ITSN2: variants seen among roughly 807,000 people sequenced by gnomAD.
ITSN2 encodes the protein intersectin-2.
In ITSN2, 156 loss-of-function variants were observed where a neutral mutation model predicts 243.7. That is an observed-to-expected ratio of 0.64 (90% CI 0.56 to 0.73). The LOEUF (loss-of-function observed/expected upper bound fraction) is 0.73. Ranked by LOEUF, ITSN2 falls within the 30% of genes least tolerant of loss-of-function variation. The pLI is 0.00. For synonymous variants in ITSN2, 703 were observed against 699.9 expected (o/e 1.00, Z -0.07); for missense variants, 1,801 against 1,996.1 (o/e 0.90, Z 1.86).
intron 30 of ITSN2, chr2:24,220,315 G>C: frequency 1.0e-6 from 1 of 985,136 alleles, no homozygotes; most frequent in Non-Finnish European, 1.2e-6. Context: ...TGGAAACAAA[G>C]GTATAGTAGA....
chr2:24,216,154 C>T lies in ITSN2; in HGVS notation c.3885G>A (p.Leu1295=), dbSNP rs780043520. 6.8e-6 allele frequency: 11 copies of T among 1,613,080 alleles called. No individual in the cohort carries two copies. In the South Asian group the frequency reaches 1.1e-4, roughly 16 times the overall value. The change falls in exon 32 of 40, where the codon CTG becomes CTA. Residue 1295 remains leucine, a synonymous_variant. Coordinates refer to ENST00000355123, the MANE Select transcript of ITSN2 (RefSeq NM_006277.3). The part of the protein sequence containing the change: ...QMIGDILAAE[L]SHMQAYIRFC... Reference sequence around the variant, plus strand: ...ACCTGATGTAAGCCTGCATGTGGGACAGCTCAGCGGCCAGGATGTCCCCAA... The same window carrying T: ...ACCTGATGTAAGCCTGCATGTGGGATAGCTCAGCGGCCAGGATGTCCCCAA...
chr2:24,355,931 A>C (rs9751134), intron 1 of ITSN2, among the ~76,000 whole-genome samples: 1 of 152,026 alleles, frequency 6.6e-6, no homozygotes, highest in East Asian at 1.9e-4. Flanking sequence ...GGCCAGGCAT[A>C]GTGGCTCACA....
intron 20 of ITSN2, 74 bp from the exon 21 acceptor site, chr2:24,261,816 T>C: frequency 1.8e-6 from 2 of 1,089,600 alleles, no homozygotes. Context: ...TGAAAACTAT[T>C]GTATAGTATT....
At chr2:24,302,428 G>C (rs1190310638) in intron 9 of ITSN2, among the ~76,000 whole-genome samples, 1 of 152,060 alleles carries the variant, frequency 6.6e-6, no homozygotes, top group Non-Finnish European at 1.5e-5. Context: ...TCGATCTCCT[G>C]ACCTCGTGAT....
intron 29 of ITSN2, chr2:24,240,555 T>G (rs1418556745): frequency 6.6e-6 from 1 of 152,234 alleles, no homozygotes; most frequent in Non-Finnish European, 1.5e-5. Context: ...TAACTGTTGA[T>G]TCTTTCCCAA....
At position 24,204,897 on chromosome 2, in the gene ITSN2, A is replaced by G. The variant is rs1668706187; in HGVS notation, c.4762+317T>C. 5.3e-6 allele frequency: 2 copies of G among 380,316 alleles called. No individual in the cohort carries two copies. Among genetic ancestry groups the G allele is most frequent in the African/African-American group, 4.2e-5 (2 of 47,820 alleles). 23.6% of individuals were successfully genotyped at this position (380,316 alleles called of 1,614,324 possible). On this transcript the variant is annotated intron_variant, in intron 38 of 39. Transcript: ENST00000355123. The surrounding 1 kb of genome is among the most constrained non-coding windows in gnomAD (Gnocchi z 5.1). ...GTCAGTGACAAAGTGCTGTAATCCCAGCACTTTGGGAGGCCGAGGCGGGCA... is the reference window on the plus strand; with the variant it reads ...GTCAGTGACAAAGTGCTGTAATCCCGGCACTTTGGGAGGCCGAGGCGGGCA...
intron 22 of ITSN2, among the ~76,000 whole-genome samples, chr2:24,259,215 G>A (rs1001285940): frequency 1.3e-5 from 2 of 152,134 alleles, no homozygotes; most frequent in African/African-American, 2.4e-5. Context: ...GGTTGCTCAC[G>A]CTAAAGACTG....
At chr2:24,254,456 C>T in intron 23 of ITSN2, 25 bp from the exon 24 acceptor site, 3 of 1,552,498 alleles carry the variant, frequency 1.9e-6, no homozygotes, top group Non-Finnish European at 2.7e-6. Context: ...AACAAACAAA[C>T]AAACAAACAA....
intron 16 of ITSN2, 50 bp from the exon 17 acceptor site, chr2:24,284,893 T>C (rs1679273213): frequency 2.3e-6 from 1 of 435,720 alleles, no homozygotes; most frequent in Non-Finnish European, 3.8e-6. Context: ...ACAGAATTTT[T>C]TTTTTTTTTT....
At chr2:24,316,581 A>G (rs1683965087) in intron 2 of ITSN2, among the ~76,000 whole-genome samples, 1 of 152,204 alleles carries the variant, frequency 6.6e-6, no homozygotes, top group Non-Finnish European at 1.5e-5. Flanking sequence ...ACGCCCAGAC[A>G]GTTTTTAAAT....
At position 24,319,689 on chromosome 2, in the gene ITSN2, T is replaced by C. The variant is rs148119388; in HGVS notation, c.32-4465A>G. On this transcript the variant is annotated intron_variant, in intron 2 of 39. Transcript: ENST00000355123. ...TGGAAACCCTCAGACTTGCCAGTCA[T>C]CCAGGAGGCTATGTTAGAGGCACTA... is the stretch of plus-strand genomic sequence containing the variant. 1.7e-3 allele frequency among the ~76,000 whole-genome samples: 259 copies of C among 152,358 alleles called. 1 individual carries two copies. Among genetic ancestry groups the C allele is most frequent in the African/African-American group, 6.0e-3 (251 of 41,592 alleles).
chr2:24,312,088 T>A (rs929017021), intron 5 of ITSN2, 124 bp downstream of exon 5: 1 of 746,954 alleles, frequency 1.3e-6, no homozygotes, highest in Non-Finnish European at 2.1e-6. Flanking sequence ...ATCTCTAACA[T>A]GAAAATTAAC....
chr2:24,275,509 A>G (rs1677901054), intron 18 of ITSN2, among the ~76,000 whole-genome samples: 1 of 152,202 alleles, frequency 6.6e-6, no homozygotes, highest in Admixed American at 6.5e-5. Flanking sequence ...TACAGGTTTG[A>G]CTCCAAAGTC....
chr2:24,265,594 C>T (rs372708567), intron 20 of ITSN2, among the ~76,000 whole-genome samples: 2 of 152,144 alleles, frequency 1.3e-5, no homozygotes, highest in African/African-American at 4.8e-5. Flanking sequence ...TATGGTAAGC[C>T]ACTTTAGACC....
intron 37 of ITSN2, among the ~76,000 whole-genome samples, chr2:24,207,059 T>C (rs11125493): frequency 0.85 from 129,014 of 151,738 alleles, 55,592 homozygotes; most frequent in Non-Finnish European, 0.93. Context: ...GGGTGGCAGG[T>C]AGTAGTGGGG....
Position 24,204,057 on chromosome 2 carries a change from A to C in ITSN2, c.4936+188T>G. The C allele has an allele frequency of 1.5e-6, 1 of 647,094 alleles. No individual in the cohort carries two copies. The highest frequency in any genetic ancestry group is 2.7e-6 in the Non-Finnish European group (1 of 376,844). The allele number at this position is 647,094 out of a possible 1,614,324, so 40.1% of individuals were successfully genotyped here. On this transcript the variant is annotated intron_variant, in intron 39 of 39. Transcript: ENST00000355123. The surrounding 1 kb of genome is among the most constrained non-coding windows in gnomAD (Gnocchi z 5.1). The stretch of plus-strand genomic sequence containing the variant: ...TAGGGAGTGATGGGTCAAAGACCTG[A>C]AACACATCTCAGGCCACCTCCTCCC...
At position 24,212,745 on chromosome 2, in the gene ITSN2, G is replaced by A; in HGVS notation, c.3994C>T (p.Leu1332=). The A allele has an allele frequency of 6.2e-7, 1 of 1,613,942 alleles. No individual in the cohort carries two copies. The highest frequency in any genetic ancestry group is 1.6e-4 in the Middle Eastern group (1 of 6,062). ...CCTTTACACCGCGGGTCAGATGCCA[G>A]CTTCTGCAAAACAACAGTGAGGCTC... is the stretch of plus-strand genomic sequence containing the variant. ...DTDFKEFLKK[L]ASDPRCKGMP... The change falls in exon 33 of 40, where the codon CTG becomes TTG. Residue 1332 remains leucine, a synonymous_variant. Transcript: ENST00000355123.
At chr2:24,230,179 C>T (rs141370798) in intron 29 of ITSN2, among the ~76,000 whole-genome samples, 3,671 of 152,272 alleles carry the variant, frequency 0.024, 88 homozygotes, top group Non-Finnish European at 0.039. Flanking sequence ...TCCCAACCTG[C>T]TCCTCTATAA....
chr2:24,304,637 T>C (rs979562873), intron 8 of ITSN2, among the ~76,000 whole-genome samples: 9 of 152,218 alleles, frequency 5.9e-5, no homozygotes, highest in East Asian at 1.9e-4. Context: ...TTCTTCTAAA[T>C]AAGAGAGATG....
Sources: allele counts gnomAD v4.1 joint callset (sites outside exome capture counted in the v4.1 genomes callset), GRCh38; gene constraint gnomAD v4.1.1; non-coding constraint Gnocchi (gnomAD v3.1); transcripts MANE v1.5; gene names NCBI Gene and HGNC (gene_info 2026-07-23, HGNC 2026-07-21).